The following RBFOX3 variants were observed in gnomAD, a reference collection of about 807,000 sequenced individuals.
RBFOX3 encodes RNA binding fox-1 homolog 3.
In RBFOX3, 17 loss-of-function variants were observed where a neutral mutation model predicts 48.7. The observed-to-expected ratio is 0.35, with a 90% CI of 0.24 to 0.52. RBFOX3 has a LOEUF of 0.52. Among genes scored for constraint, RBFOX3 ranks in the 20% least tolerant of loss-of-function variants. RBFOX3 has a pLI of 0.94. For missense variants in RBFOX3, 382 were observed against 497.5 expected (o/e 0.77, Z 2.21); for synonymous variants, 212 against 209.5 (o/e 1.01, Z -0.10).
intron 4 of RBFOX3, among the ~76,000 whole-genome samples, chr17:79,134,127 T>C (rs1293786252): frequency 6.6e-6 from 1 of 152,200 alleles, no homozygotes; most frequent in Non-Finnish European, 1.5e-5. Flanking sequence ...GCCTCAGGTC[T>C]GGGACGTTCC....
chr17:79,463,738 C>A (rs2075909207), intron 2 of RBFOX3, among the ~76,000 whole-genome samples: 1 of 150,606 alleles, frequency 6.6e-6, no homozygotes, highest in Non-Finnish European at 1.5e-5. Flanking sequence ...CCTCCACCGC[C>A]ATCACCACTG....
intron 2 of RBFOX3, among the ~76,000 whole-genome samples, chr17:79,366,737 C>A (rs1256688272): frequency 3.3e-5 from 5 of 152,204 alleles, no homozygotes; most frequent in Non-Finnish European, 7.3e-5. Flanking sequence ...AAGGCTTCTG[C>A]CTGTGGACAC....
chr17:79,613,290 G>A (rs2093981909), upstream of RBFOX3, among the ~76,000 whole-genome samples: 1 of 152,226 alleles, frequency 6.6e-6, no homozygotes, highest in African/African-American at 2.4e-5. Flanking sequence ...GGTTGGGACT[G>A]GCCACAGGGC....
chr17:79,397,211 A>G (rs2008567), intron 2 of RBFOX3, among the ~76,000 whole-genome samples: 21,733 of 152,066 alleles, frequency 0.14, 1,469 homozygotes, highest in Middle Eastern at 0.2. Context: ...GGCTGGGCGC[A>G]GTGGCTCACG....
intron 1 of RBFOX3, among the ~76,000 whole-genome samples, chr17:79,577,075 T>C (rs2092887518): frequency 6.6e-6 from 1 of 151,914 alleles, no homozygotes; most frequent in South Asian, 2.1e-4. Context: ...AGCATGGAGG[T>C]CTCACTCTGG....
chr17:79,621,378 G>A, the RBFOX3 span, among the ~76,000 whole-genome samples: 5 of 152,304 alleles, frequency 3.3e-5, no homozygotes, highest in South Asian at 6.2e-4. Flanking sequence ...CCGTTGAGCA[G>A]GAATGGAGCC....
chr17:79,107,112 G>A (rs2077530898), intron 5 of RBFOX3, among the ~76,000 whole-genome samples: 1 of 152,242 alleles, frequency 6.6e-6, no homozygotes, highest in Non-Finnish European at 1.5e-5. Flanking sequence ...GTCCACAGAG[G>A]CTGAACCTCC....
At chr17:79,282,301 C>G (rs1043993092) in intron 3 of RBFOX3, among the ~76,000 whole-genome samples, 2 of 152,184 alleles carry the variant, frequency 1.3e-5, no homozygotes, top group Admixed American at 1.3e-4. Flanking sequence ...AAGAGGGAAC[C>G]TCGCCCTGTT....
At chr17:79,489,241 A>C (rs1457870217) in intron 1 of RBFOX3, among the ~76,000 whole-genome samples, 346 of 1,812 alleles carry the variant, frequency 0.19, no homozygotes, top group African/African-American at 0.22. Flanking sequence ...CCAGAAAGTT[A>C]AAAAAAAAAA....
intron 2 of RBFOX3, among the ~76,000 whole-genome samples, chr17:79,366,709 C>A (rs2057805266): frequency 6.6e-6 from 1 of 152,190 alleles, no homozygotes; most frequent in Non-Finnish European, 1.5e-5. Context: ...CCAGCAGAGG[C>A]AATGTTTGAG....
At chr17:79,365,209 C>G (rs747748352) in intron 2 of RBFOX3, among the ~76,000 whole-genome samples, 1 of 152,112 alleles carries the variant, frequency 6.6e-6, no homozygotes, top group Non-Finnish European at 1.5e-5. Context: ...CTTTTCAACT[C>G]CTTTAAAAAA....
chr17:79,536,274 C>T (rs532543987), intron 1 of RBFOX3, among the ~76,000 whole-genome samples: 2 of 152,358 alleles, frequency 1.3e-5, no homozygotes, highest in African/African-American at 2.4e-5. Context: ...GACAGGGTTT[C>T]ACCATGTGGG....
the RBFOX3 span, among the ~76,000 whole-genome samples, chr17:79,621,794 TAC>T: frequency 2.6e-5 from 4 of 152,172 alleles, no homozygotes; most frequent in African/African-American, 9.7e-5. Context: ...TTACTAGGTG[TAC>T]ACAGGCTAAC....
chr17:79,466,218 T>A (rs890649950), intron 2 of RBFOX3, among the ~76,000 whole-genome samples: 2 of 152,176 alleles, frequency 1.3e-5, no homozygotes, highest in Admixed American at 1.3e-4. Context: ...TCCTCTAGCC[T>A]GGAAGCCCTA....
intron 4 of RBFOX3, among the ~76,000 whole-genome samples, chr17:79,215,295 T>C (rs2058893193): frequency 6.6e-6 from 1 of 152,192 alleles, no homozygotes; most frequent in Admixed American, 6.5e-5. Context: ...GGTCCTCCGC[T>C]CTGGGCTGCA....
At chr17:79,300,153 C>T (rs1385480642) in intron 3 of RBFOX3, among the ~76,000 whole-genome samples, 3 of 152,224 alleles carry the variant, frequency 2.0e-5, no homozygotes, top group Non-Finnish European at 4.4e-5. Context: ...ATCCACCCAA[C>T]TTGTCCTCCA....
intron 2 of RBFOX3, among the ~76,000 whole-genome samples, chr17:79,409,614 G>A (rs2064006179): frequency 6.6e-6 from 1 of 152,244 alleles, no homozygotes. Flanking sequence ...GTGGTGGCAT[G>A]TTGCCTCTGT....
rs1014602313 is a variant in RBFOX3, at chr17:79,587,522, C to T, written c.-320+23304G>A. Among the ~76,000 whole-genome samples the T allele has an allele frequency of 2.5e-3, 385 of 152,322 alleles. 2 individuals are homozygous for T. The highest frequency in any genetic ancestry group is 3.4e-3 in the Middle Eastern group (1 of 294). On this transcript the variant is annotated intron_variant, in intron 1 of 14. Coordinates refer to ENST00000693108, the MANE Select transcript of RBFOX3 (RefSeq NM_001350451.2). ...CAGGCCAACCCTGTTTGGGAGAAGG[C>T]GGCTGGTGAGAATAAACAGGGAACA...
chr17:79,126,387 C>T (rs12937782), intron 4 of RBFOX3, among the ~76,000 whole-genome samples: 40,562 of 152,074 alleles, frequency 0.27, 6,373 homozygotes, highest in Non-Finnish European at 0.37. Flanking sequence ...ATGTGAGCAC[C>T]CCTGCCCGGC....
Sources: allele counts gnomAD v4.1 joint callset (sites outside exome capture counted in the v4.1 genomes callset), GRCh38; gene constraint gnomAD v4.1.1; transcripts MANE v1.5; gene names NCBI Gene and HGNC (gene_info 2026-07-23, HGNC 2026-07-21).